Variants in PAM observed in about 807,000 individuals in gnomAD.
PAM encodes peptidyl-glycine alpha-amidating monooxygenase.
PAM carries 72 observed loss-of-function variants against 122.1 expected under a neutral mutation model. That is an observed-to-expected ratio of 0.59 (90% CI 0.49 to 0.72). The LOEUF (loss-of-function observed/expected upper bound fraction) is 0.72, where lower values mean the gene tolerates loss of function less well. PAM is among the 30% of genes least tolerant of loss of function. The pLI is 0.00. For synonymous variants in PAM, 389 were observed against 404.4 expected, an observed-to-expected ratio of 0.96 and a Z score of 0.46; for missense variants, 1,106 against 1,183.7, an observed-to-expected ratio of 0.93 and a Z score of 0.96.
intron 3 of PAM, among the ~76,000 whole-genome samples, chr5:102,889,782 T>G (rs746186261): frequency 6.6e-6 from 1 of 151,862 alleles, no homozygotes; most frequent in East Asian, 2.0e-4. Flanking sequence ...TAGAACCAAG[T>G]CAGCGGTTTC....
At chr5:102,766,924 G>A (rs1283847095) in intron 1 of PAM, among the ~76,000 whole-genome samples, 1 of 43,418 alleles carries the variant, frequency 2.3e-5, no homozygotes, top group Non-Finnish European at 4.6e-5. Flanking sequence ...CTTCAGTTGT[G>A]GATTTTTTTT....
intron 1 of PAM, among the ~76,000 whole-genome samples, chr5:102,771,978 G>T (rs1468728780): frequency 6.6e-6 from 1 of 152,116 alleles, no homozygotes; most frequent in Admixed American, 6.6e-5. Flanking sequence ...GTAGAGTGGA[G>T]AAGAAAACCA....
Position 102,913,862 on chromosome 5 carries a change from G to T in PAM, c.269-72G>T, listed in dbSNP as rs1181357014. The T allele has an allele frequency of 3.6e-6, 3 of 841,666 alleles. No individual in the cohort carries two copies. In the African/African-American group the frequency reaches 5.0e-5, roughly 14 times the overall value. 52.1% of individuals were successfully genotyped at this position (841,666 alleles called of 1,614,324 possible). The stretch of plus-strand genomic sequence containing the variant: ...TATACAGGTATTTGAACTGTTCAAA[G>T]ATGTATTTTATGACTTTGGTGCACA... On this transcript the variant is annotated intron_variant, in intron 4 of 25. Coordinates refer to ENST00000438793, the MANE Select transcript of PAM (RefSeq NM_001177306.2).
intron 20 of PAM, among the ~76,000 whole-genome samples, chr5:103,008,817 G>C (rs576372256): frequency 1.3e-5 from 2 of 152,094 alleles, no homozygotes; most frequent in East Asian, 3.9e-4. Flanking sequence ...TTAAGAGGGT[G>C]ATCAAGTTCA....
At chr5:102,823,394 C>A (rs1772632912) in intron 1 of PAM, among the ~76,000 whole-genome samples, 4 of 151,894 alleles carry the variant, frequency 2.6e-5, no homozygotes, top group Admixed American at 6.6e-5. Flanking sequence ...TAATGGTAAA[C>A]CCCTACTTTA....
chr5:102,844,492 C>T (rs191858597), intron 1 of PAM, among the ~76,000 whole-genome samples: 111 of 152,026 alleles, frequency 7.3e-4, no homozygotes, highest in African/African-American at 2.5e-3. Context: ...CATAGCGAGA[C>T]CCCCATCTCT....
chr5:102,802,781 G>T (rs1448938534), intron 1 of PAM, among the ~76,000 whole-genome samples: 1 of 152,086 alleles, frequency 6.6e-6, no homozygotes. Flanking sequence ...TATTAATTAT[G>T]ATAACTACCG....
intron 1 of PAM, among the ~76,000 whole-genome samples, chr5:102,851,049 G>C (rs1196969018): frequency 6.6e-6 from 1 of 152,084 alleles, no homozygotes; most frequent in East Asian, 1.9e-4. Context: ...AGAGGGATTG[G>C]GAAAACCTAA....
intron 3 of PAM, among the ~76,000 whole-genome samples, chr5:102,900,259 G>A (rs893726324): frequency 8.0e-6 from 1 of 124,654 alleles, no homozygotes; most frequent in African/African-American, 3.0e-5. Context: ...GTGTGTGGGG[G>A]GGGGGCGGGG....
At chr5:102,757,783 G>A (rs1006780924) in intron 1 of PAM, among the ~76,000 whole-genome samples, 1 of 152,082 alleles carries the variant, frequency 6.6e-6, no homozygotes, top group African/African-American at 2.4e-5. Flanking sequence ...GCTCATGCCT[G>A]TAATCCCAAC....
Position 102,956,886 on chromosome 5 carries a change from A to G in PAM, c.906-2989A>G, listed in dbSNP as rs532242746. Among the ~76,000 whole-genome samples the G allele has an allele frequency of 1.1e-3, 174 of 152,230 alleles. 1 individual carries two copies. Among genetic ancestry groups the G allele is most frequent in the Non-Finnish European group, 1.6e-3 (110 of 67,980 alleles). ...TACAATTTTTTTTCAAATGTATGTTAAAAACAAATCCTTCCAAATATACAT... is the reference window on the plus strand; with the variant it reads ...TACAATTTTTTTTCAAATGTATGTTGAAAACAAATCCTTCCAAATATACAT... On this transcript the variant is annotated intron_variant, in intron 12 of 25. Transcript: ENST00000438793.
chr5:102,756,239 G>T (rs1437529866), intron 1 of PAM, among the ~76,000 whole-genome samples: 1 of 152,130 alleles, frequency 6.6e-6, no homozygotes, highest in Non-Finnish European at 1.5e-5. Flanking sequence ...AGGTCCTTTG[G>T]CTGAGATGTG....
intron 14 of PAM, among the ~76,000 whole-genome samples, chr5:102,965,028 A>G (rs1404334378): frequency 6.6e-6 from 1 of 151,924 alleles, no homozygotes; most frequent in Non-Finnish European, 1.5e-5. Context: ...ATTGTGAGTG[A>G]AGAATTACCT....
chr5:102,885,747 T>G (rs113858633), intron 3 of PAM, among the ~76,000 whole-genome samples: 136 of 152,124 alleles, frequency 8.9e-4, no homozygotes, highest in African/African-American at 3.1e-3. Flanking sequence ...GTGAATACTG[T>G]TCTACTATCT....
At chr5:102,971,745 T>G (rs1376120381) in intron 14 of PAM, among the ~76,000 whole-genome samples, 1 of 152,234 alleles carries the variant, frequency 6.6e-6, no homozygotes, top group Non-Finnish European at 1.5e-5. Context: ...CTACTCCATC[T>G]GTTATATTCA....
At chr5:102,981,487 A>T (rs1016083288) in intron 15 of PAM, among the ~76,000 whole-genome samples, 1 of 152,236 alleles carries the variant, frequency 6.6e-6, no homozygotes, top group African/African-American at 2.4e-5. Flanking sequence ...ATGAATTATA[A>T]GGTTGTAGGG....
At chr5:102,990,586 C>T (rs1042207927) in intron 16 of PAM, among the ~76,000 whole-genome samples, 185 bp downstream of exon 16, 1 of 152,148 alleles carries the variant, frequency 6.6e-6, no homozygotes, top group African/African-American at 2.4e-5. Flanking sequence ...GTCTTGTGTG[C>T]TTTAAAACAA....
intron 1 of PAM, among the ~76,000 whole-genome samples, chr5:102,768,814 A>G (rs1561392851): frequency 6.6e-6 from 1 of 152,140 alleles, no homozygotes; most frequent in African/African-American, 2.4e-5. Context: ...TATCTCTTCA[A>G]TATGCTGATT....
intron 1 of PAM, among the ~76,000 whole-genome samples, chr5:102,859,905 A>G (rs1783673250): frequency 6.6e-6 from 1 of 152,204 alleles, no homozygotes; most frequent in Non-Finnish European, 1.5e-5. Context: ...GCCTAGGAGC[A>G]GTAGACCGTA....
Sources: gnomAD v4.1 joint callset for allele counts (sites outside exome capture counted in the v4.1 genomes callset) on GRCh38, gnomAD v4.1.1 for gene constraint, MANE v1.5 for transcripts, NCBI Gene and HGNC (gene_info 2026-07-23, HGNC 2026-07-21) for gene names.